Variants in DBX2 observed in about 807,000 individuals in gnomAD.
DBX2 encodes the protein developing brain homeobox 2, also known as homeobox protein DBX2.
In DBX2, 16 loss-of-function variants were observed where a neutral mutation model predicts 17.7. The observed-to-expected ratio is 0.90, with a 90% CI of 0.61 to 1.37. The LOEUF (loss-of-function observed/expected upper bound fraction) is 1.37, where lower values mean the gene tolerates loss of function less well. Among genes scored for constraint, DBX2 ranks in the 40% most tolerant of loss-of-function variants. The probability of loss-of-function intolerance (pLI) is 0.00; values close to 1 mark genes in which losing one functional copy is unlikely to be tolerated. For synonymous variants in DBX2, 255 were observed against 183.8 expected (o/e 1.39, Z -3.13); for missense variants, 538 against 433.8 (o/e 1.24, Z -2.13).
chr12:45,039,846 C>G (rs1294771497), intron 1 of DBX2, among the ~76,000 whole-genome samples: 1 of 151,572 alleles, frequency 6.6e-6, no homozygotes, highest in Non-Finnish European at 1.5e-5. Flanking sequence ...AGACCCTGGA[C>G]AACTGACACA....
rs528354189 is a variant in DBX2, at chr12:45,016,410, G to T, written c.896C>A (p.Ser299Ter). ...PRWRENSPEP[S>*]ERLIQESSGA... ...TGAACTCTCCTGGATTAGTCTTTCT[G>T]AAGGTTCTGGAGAATTCTCCCTCCA... The change falls in exon 4 of 4, where the codon TCA (serine) becomes TAA (stop). Residue 299 changes from serine to a stop codon, truncating the protein, a stop_gained. Transcript: ENST00000332700. LOFTEE classifies it low-confidence loss of function (END_TRUNC). 4 of 1,613,992 alleles carry T rather than the reference G, an allele frequency of 2.5e-6. No individual in the cohort carries two copies. The South Asian group carries it at 4.4e-5, about 18-fold the overall frequency.
At chr12:45,036,198 A>G (rs1429462462) in intron 1 of DBX2, 84 bp from the exon 2 acceptor site, 1 of 1,200,496 alleles carries the variant, frequency 8.3e-7, no homozygotes, top group East Asian at 2.7e-5. Context: ...GTCATTGAGT[A>G]AATACTTTGC....
intron 1 of DBX2, among the ~76,000 whole-genome samples, chr12:45,042,984 A>G (rs573983316): frequency 6.6e-6 from 1 of 152,280 alleles, no homozygotes; most frequent in East Asian, 1.9e-4. Context: ...TCTAAACTCG[A>G]GGAGATTCCT....
At chr12:45,050,489 G>A (rs781039417) in intron 1 of DBX2, 36 bp downstream of exon 1, 1 of 1,543,690 alleles carries the variant, frequency 6.5e-7, no homozygotes, top group Non-Finnish European at 8.7e-7. Context: ...CTGGGGGCGC[G>A]GGCGCGGCTG....
At chr12:45,031,417 T>C (rs1592754283) in intron 2 of DBX2, among the ~76,000 whole-genome samples, 1 of 152,198 alleles carries the variant, frequency 6.6e-6, no homozygotes, top group Middle Eastern at 3.4e-3. Context: ...CTAGAAATCA[T>C]TCCCTTATAA....
At position 45,050,743 on chromosome 12, in the gene DBX2, G is replaced by A. The variant is rs1018655526; in HGVS notation, c.185C>T (p.Pro62Leu). Residue 62 changes from proline (P) to leucine (L), a missense_variant, in exon 1 of 4, where the codon CCG becomes CTG. Physicochemically the swap from Pro to Leu is moderately conservative, Grantham distance 98. Coordinates refer to ENST00000332700, the MANE Select transcript of DBX2 (RefSeq NM_001004329.3). ...PRLQPPAPHD[P>L]ATALATAGAQ... ...GCCCGCGGTGGCCAGGGCGGTCGCCGGGTCGTGGGGCGCGGGCGGCTGCAG... is the reference window on the plus strand; with the variant it reads ...GCCCGCGGTGGCCAGGGCGGTCGCCAGGTCGTGGGGCGCGGGCGGCTGCAG... The A allele has an allele frequency of 2.0e-6, 3 of 1,491,520 alleles. No individual in the cohort carries two copies. Among genetic ancestry groups the A allele is most frequent in the African/African-American group, 1.5e-5 (1 of 67,718 alleles). The allele number at this position is 1,491,520 out of a possible 1,614,324, so 92.4% of individuals were successfully genotyped here. A position where few individuals can be genotyped will look rare whatever the true frequency, so the allele number is the denominator to read the frequency against.
At chr12:45,031,225 T>TGAGAGAGAGA (rs72031074) in intron 2 of DBX2, among the ~76,000 whole-genome samples, 265 of 85,648 alleles carry the variant, frequency 3.1e-3, no homozygotes, top group Middle Eastern at 7.6e-3. Context: ...TGTGTGTGTG[T>TGAGAGAGAGA]GAGAGAGAGA....
intron 3 of DBX2, among the ~76,000 whole-genome samples, chr12:45,022,709 C>A (rs895253023): frequency 6.6e-6 from 1 of 152,294 alleles, no homozygotes; most frequent in Non-Finnish European, 1.5e-5. Flanking sequence ...ACCCTTTAGT[C>A]CCTTTATGTT....
rs142051382 is a variant in DBX2 at position 45,016,869 on chromosome 12, C to T, written c.688-251G>A. Among the ~76,000 whole-genome samples, 31 of 152,182 alleles carry T rather than the reference C, an allele frequency of 2.0e-4. 1 individual carries two copies. The East Asian group carries it at 4.8e-3, about 24-fold the overall frequency. On this transcript the variant is annotated intron_variant, in intron 3 of 3. Coordinates refer to ENST00000332700, the MANE Select transcript of DBX2 (RefSeq NM_001004329.3). ...TGCAATCTCAGCTCACTGCAACCTC[C>T]GCCACCCAGGCTCAAGCAATCCTCC...
intron 1 of DBX2, among the ~76,000 whole-genome samples, chr12:45,045,906 C>T (rs951583013): frequency 2.0e-5 from 3 of 152,150 alleles, no homozygotes; most frequent in African/African-American, 7.2e-5. Flanking sequence ...AATTTACAGG[C>T]ATTCAAACCA....
chr12:45,041,217 TAAATA>T (rs1205593440), intron 1 of DBX2, among the ~76,000 whole-genome samples: 1 of 149,068 alleles, frequency 6.7e-6, no homozygotes, highest in Non-Finnish European at 1.5e-5. Context: ...TAATAAATTA[TAAATA>T]AAATAATAAT....
In DBX2 at chr12:45,050,791, A is replaced by G; in HGVS notation, c.137T>C (p.Val46Ala). The G allele has an allele frequency of 6.6e-7, 1 of 1,525,390 alleles. No homozygotes were observed. The highest frequency in any genetic ancestry group is 8.8e-7 in the Non-Finnish European group (1 of 1,138,062). The allele number at this position is 1,525,390 out of a possible 1,614,324, so 94.5% of individuals were successfully genotyped here. A position where few individuals can be genotyped will look rare whatever the true frequency, so the allele number is the denominator to read the frequency against. The change falls in exon 1 of 4, where the codon GTC becomes GCC. Residue 46 changes from valine (V) to alanine (A), a missense_variant. Val to Ala is a moderately conservative substitution (Grantham distance 64). Coordinates refer to ENST00000332700, the MANE Select transcript of DBX2 (RefSeq NM_001004329.3). ...KSFLIENLLR[V>A]GGAPTPRLQP... ...CAGCCTGGGCGTTGGGGCGCCCCCGACCCGCAGCAAATTCTCGATCAGGAA... is the reference window on the plus strand; with the variant it reads ...CAGCCTGGGCGTTGGGGCGCCCCCGGCCCGCAGCAAATTCTCGATCAGGAA...
Position 45,014,872 on chromosome 12 carries a change from A to G in DBX2, c.*1414T>C, listed in dbSNP as rs920910695. 1 of 152,192 alleles carries G rather than the reference A, an allele frequency of 6.6e-6. No individual in the cohort carries two copies. The highest frequency in any genetic ancestry group is 2.4e-5 in the African/African-American group (1 of 41,454). The allele number at this position is 152,192 out of a possible 1,614,324, so 9.4% of individuals were successfully genotyped here. On this transcript the variant is annotated 3_prime_UTR_variant, in exon 4 of 4. Transcript: ENST00000332700. ...TTGATTAAAACCGTTATCTCCTGAA[A>G]TATCTTTTCTAAACACTAAACCCTC...
At chr12:45,022,417 C>T (rs986688161) in intron 3 of DBX2, among the ~76,000 whole-genome samples, 6 of 147,134 alleles carry the variant, frequency 4.1e-5, no homozygotes, top group Middle Eastern at 3.7e-3. Context: ...CATTCTCCTG[C>T]CTCAGCCTCC....
At chr12:45,025,507 TAGA>T (rs1161416829) in intron 2 of DBX2, among the ~76,000 whole-genome samples, 1 of 151,898 alleles carries the variant, frequency 6.6e-6, no homozygotes, top group African/African-American at 2.4e-5. Flanking sequence ...ACAGCAACAA[TAGA>T]AAACTAATAC....
intron 2 of DBX2, among the ~76,000 whole-genome samples, chr12:45,031,769 T>C (rs1487549897): frequency 1.3e-5 from 2 of 152,146 alleles, no homozygotes; most frequent in Non-Finnish European, 2.9e-5. Flanking sequence ...GATGGTCTAT[T>C]TCCAAAAGCA....
chr12:45,036,111 G>A lies in DBX2; in HGVS notation c.407C>T (p.Pro136Leu), dbSNP rs1946439581. 4 of 1,609,378 alleles carry A rather than the reference G, an allele frequency of 2.5e-6. No homozygotes were observed. Among genetic ancestry groups the A allele is most frequent in the Non-Finnish European group, 3.4e-6 (4 of 1,178,340 alleles). Residue 136 changes from proline to leucine, a missense_variant, in exon 2 of 4, where the codon CCT (proline) becomes CTT (leucine). Pro to Leu is a moderately conservative substitution (Grantham distance 98). Transcript: ENST00000332700. ...GGTGCTCAGAAGGAAAGGTTTGGAAGGTGCTGCAGAGAAAGCATTGATCTC... is the reference window on the plus strand; with the variant it reads ...GGTGCTCAGAAGGAAAGGTTTGGAAAGTGCTGCAGAGAAAGCATTGATCTC... ...DCTFQPSAPA[P>L]SKPFLLSTPP... is the part of the protein sequence containing the mutation.
In DBX2 at chr12:45,016,315, T is replaced by C. The variant is rs1946322890; in HGVS notation, c.991A>G (p.Ser331Gly). 3 of 1,593,622 alleles carry C rather than the reference T, an allele frequency of 1.9e-6. No individual in the cohort carries two copies. The highest frequency in any genetic ancestry group is 2.6e-6 in the Non-Finnish European group (3 of 1,171,464). ...ACAGCCCCAGTAAGTACACCCTTGC[T>C]TCCAGCTTCTTCTTCAGAACATAAA... ...LYLCSEEEAG[S>G]KGVLTGAV Residue 331 changes from serine (S) to glycine (G), a missense_variant, in exon 4 of 4, where the codon AGC becomes GGC. Physicochemically the swap from Ser to Gly is moderately conservative, Grantham distance 56 (BLOSUM62 0). Coordinates refer to ENST00000332700, the MANE Select transcript of DBX2 (RefSeq NM_001004329.3).
At chr12:45,028,952 C>T (rs756908833) in intron 2 of DBX2, among the ~76,000 whole-genome samples, 1 of 152,186 alleles carries the variant, frequency 6.6e-6, no homozygotes, top group Non-Finnish European at 1.5e-5. Flanking sequence ...TACTAAACCA[C>T]CATTGATGCT....
Sources: allele counts gnomAD v4.1 joint callset (sites outside exome capture counted in the v4.1 genomes callset), GRCh38; gene constraint gnomAD v4.1.1; transcripts MANE v1.5; gene names NCBI Gene and HGNC (gene_info 2026-07-23, HGNC 2026-07-21).